The following SEPTIN12 variants were observed in gnomAD, a reference collection of about 807,000 sequenced individuals.
The protein encoded by SEPTIN12 is septin 12.
SEPTIN12 carries 42 observed loss-of-function variants against 37.7 expected under a neutral mutation model. That is an observed-to-expected ratio of 1.11 (90% CI 0.87 to 1.44). The LOEUF (loss-of-function observed/expected upper bound fraction) is 1.44. Among genes scored for constraint, SEPTIN12 ranks in the 40% most tolerant of loss-of-function variants. The probability of loss-of-function intolerance (pLI) is 0.00; values close to 1 mark genes in which losing one functional copy is unlikely to be tolerated. For missense variants in SEPTIN12, 613 were observed against 479.2 expected, an observed-to-expected ratio of 1.28 and a Z score of -2.61; for synonymous variants, 254 against 196.7, an observed-to-expected ratio of 1.29 and a Z score of -2.44.
chr16:4,779,730 C>A lies in SEPTIN12; in HGVS notation c.783G>T (p.Arg261Ser), dbSNP rs2082352219. Residue 261 changes from arginine (R) to serine (S), a missense_variant, in exon 8 of 10, where the codon AGG (arginine) becomes AGT (serine). Transcript: ENST00000268231. ...GADQEHLVNG[R>S]CVLGRKTKWG... Reference sequence around the variant, plus strand: ...ACTTGGTCTTCCGGCCCAGGACACACCTCCCGTTCACCAGGTGCTCTTGGT... The same window carrying A: ...ACTTGGTCTTCCGGCCCAGGACACAACTCCCGTTCACCAGGTGCTCTTGGT... The A allele has an allele frequency of 6.2e-7, 1 of 1,613,812 alleles. No individual in the cohort carries two copies. The highest frequency in any genetic ancestry group is 1.1e-5 in the South Asian group (1 of 91,078).
chr16:4,789,509 G>C (rs1035807895), upstream of SEPTIN12, among the ~76,000 whole-genome samples: 3 of 151,972 alleles, frequency 2.0e-5, no homozygotes, highest in Non-Finnish European at 4.4e-5. Flanking sequence ...CCTATTTTTA[G>C]TAGAGACTGG....
At chr16:4,789,849 G>C (rs1025591428), upstream of SEPTIN12, 1 of 151,448 alleles carries the variant, frequency 6.6e-6, no homozygotes, top group South Asian at 2.1e-4. Context: ...AGGCATTCCT[G>C]TGTCCTTGCT....
At chr16:4,786,163 TAA>T in intron 2 of SEPTIN12, 58 bp from the exon 3 acceptor site, 1 of 1,527,200 alleles carries the variant, frequency 6.5e-7, no homozygotes, top group Admixed American at 2.1e-5. Flanking sequence ...AGTTTTTCTC[TAA>T]CTCTTTACTT....
intron 7 of SEPTIN12, among the ~76,000 whole-genome samples, chr16:4,780,580 G>T (rs1353715547): frequency 6.6e-6 from 1 of 152,210 alleles, no homozygotes; most frequent in Non-Finnish European, 1.5e-5. Flanking sequence ...GTAAACTCCA[G>T]TTGTTTACTT....
At chr16:4,779,043 C>G (rs1394613629) in intron 8 of SEPTIN12, among the ~76,000 whole-genome samples, 2 of 151,974 alleles carry the variant, frequency 1.3e-5, no homozygotes, top group Admixed American at 6.6e-5. Context: ...GAGGCTGAGA[C>G]AGGAGAATCA....
chr16:4,785,777 TAAA>T (rs368610870), intron 4 of SEPTIN12, 27 bp downstream of exon 4: 526 of 1,190,854 alleles, frequency 4.4e-4, no homozygotes, highest in Middle Eastern at 8.5e-4. Flanking sequence ...AAACTCTGCC[TAAA>T]AAAAAAAAAA....
chr16:4,791,105 G>C (rs1031071357), upstream of SEPTIN12, among the ~76,000 whole-genome samples: 8 of 152,370 alleles, frequency 5.3e-5, no homozygotes, highest in South Asian at 1.2e-3. Flanking sequence ...CCTCTGTGCA[G>C]AGAAAACACT....
chr16:4,783,259 C>T (rs185160787), intron 7 of SEPTIN12: 32 of 599,996 alleles, frequency 5.3e-5, no homozygotes, highest in East Asian at 1.7e-4. Flanking sequence ...GTATGTGATT[C>T]GCAGACATTT....
chr16:4,783,260 G>A (rs1363411254), intron 7 of SEPTIN12: 6 of 598,442 alleles, frequency 1.0e-5, no homozygotes, highest in East Asian at 8.5e-5. Flanking sequence ...TATGTGATTC[G>A]CAGACATTTT....
intron 7 of SEPTIN12, 119 bp downstream of exon 7, chr16:4,783,343 C>T: frequency 1.2e-6 from 1 of 810,416 alleles, no homozygotes; most frequent in Non-Finnish European, 2.1e-6. Flanking sequence ...AGTAGAGAAT[C>T]ATATCTGCTA....
intron 8 of SEPTIN12, among the ~76,000 whole-genome samples, chr16:4,778,805 A>T (rs8055788): frequency 0.31 from 46,104 of 149,750 alleles, 7,397 homozygotes; most frequent in South Asian, 0.42. Flanking sequence ...GTCTCAAAAA[A>T]ATATATATAT....
In SEPTIN12 at chr16:4,779,745, G is replaced by T; in HGVS notation, c.768C>A (p.His256Gln). 6.2e-7 allele frequency: 1 copy of T among 1,613,870 alleles called. No individual in the cohort carries two copies. Among genetic ancestry groups the T allele is most frequent in the Non-Finnish European group, 8.5e-7 (1 of 1,179,818 alleles). ...PFAVVGADQE[H>Q]LVNGRCVLGR... is the part of the protein sequence containing the mutation. ...CCAGGACACACCTCCCGTTCACCAG[G>T]TGCTCTTGGTCAGCCCCTACCACGG... The change falls in exon 8 of 10, where the codon CAC becomes CAA. Residue 256 changes from histidine to glutamine, a missense_variant. Transcript: ENST00000268231.
chr16:4,785,992 A>C lies in SEPTIN12; in HGVS notation c.280T>G (p.Ser94Ala). ...GGGGCTCACTCACCATGGGTCAGTG[A>C]ATGCAGCTGCAGCGTCTGGGGTGTG... ...VPTPQTLQLH[S>A]LTHVIEEKGV... is the part of the protein sequence containing the mutation. Residue 94 changes from serine to alanine, a missense_variant, in exon 3 of 10, where the codon TCA becomes GCA. Transcript: ENST00000268231. The C allele has an allele frequency of 1.2e-6, 2 of 1,613,152 alleles. No homozygotes were observed. Among genetic ancestry groups the C allele is most frequent in the South Asian group, 2.2e-5 (2 of 90,982 alleles).
chr16:4,784,399 G>A (rs1010215983), intron 4 of SEPTIN12: 19 of 312,124 alleles, frequency 6.1e-5, no homozygotes, highest in African/African-American at 2.9e-4. Flanking sequence ...GGTTGCAGGG[G>A]TCTCCCTCCT....
chr16:4,784,850 G>A (rs554382381), intron 4 of SEPTIN12, among the ~76,000 whole-genome samples: 38 of 151,890 alleles, frequency 2.5e-4, no homozygotes, highest in Non-Finnish European at 4.9e-4. Flanking sequence ...TGGCTTATGC[G>A]TGTAATCCCA....
upstream of SEPTIN12, among the ~76,000 whole-genome samples, chr16:4,791,601 G>A (rs531527345): frequency 2.0e-5 from 3 of 152,284 alleles, no homozygotes; most frequent in African/African-American, 7.2e-5. Flanking sequence ...CCTGGGTCCA[G>A]AAGTCTGACT....
At chr16:4,786,917 C>G (rs909703263) in intron 2 of SEPTIN12, among the ~76,000 whole-genome samples, 1 of 152,048 alleles carries the variant, frequency 6.6e-6, no homozygotes, top group Non-Finnish European at 1.5e-5. Flanking sequence ...CTCTGTCACC[C>G]AGGCTGGAGT....
chr16:4,779,879 T>C lies in SEPTIN12; in HGVS notation c.727-93A>G, dbSNP rs2082354571. The C allele has an allele frequency of 3.7e-6, 3 of 806,438 alleles. No homozygotes were observed. The East Asian group carries it at 7.6e-5, about 20-fold the overall frequency. 50.0% of individuals were successfully genotyped at this position (806,438 alleles called of 1,614,324 possible). On this transcript the variant is annotated intron_variant, in intron 7 of 9. Coordinates refer to ENST00000268231, the MANE Select transcript of SEPTIN12 (RefSeq NM_144605.5). ...GCACCCAGGCAGGAGAGGGGAGTCCTATCCTTTTCGAGGAGGGAACATGGT... is the reference window on the plus strand; with the variant it reads ...GCACCCAGGCAGGAGAGGGGAGTCCCATCCTTTTCGAGGAGGGAACATGGT...
At chr16:4,786,832 G>A (rs2082459129) in intron 2 of SEPTIN12, among the ~76,000 whole-genome samples, 1 of 151,836 alleles carries the variant, frequency 6.6e-6, no homozygotes, top group African/African-American at 2.4e-5. Flanking sequence ...TTTTTTTGTA[G>A]AGATGGGGTC....
Sources: gnomAD v4.1 joint callset for allele counts (sites outside exome capture counted in the v4.1 genomes callset) on GRCh38, gnomAD v4.1.1 for gene constraint, MANE v1.5 for transcripts, NCBI Gene and HGNC (gene_info 2026-07-23, HGNC 2026-07-21) for gene names.